Variants in SPAG16 observed in about 807,000 individuals in gnomAD.
SPAG16 encodes sperm associated antigen 16, also known as sperm-associated antigen 16 protein.
A neutral mutation model predicts 80.4 loss-of-function variants in SPAG16; 86 were observed. The ratio of observed to expected loss-of-function variants is 1.07; its 90% CI spans 0.90 to 1.28. The LOEUF (loss-of-function observed/expected upper bound fraction) is 1.28, where lower values mean the gene tolerates loss of function less well. Among genes scored for constraint, SPAG16 ranks in the 50% most tolerant of loss-of-function variants. The pLI, the probability that SPAG16 is intolerant of heterozygous loss-of-function variation, is 0.00. For synonymous variants in SPAG16, 294 were observed against 265.9 expected (o/e 1.11, Z -1.03); for missense variants, 870 against 765.3 (o/e 1.14, Z -1.61).
chr2:213,510,587 G>A (rs1575791567), intron 10 of SPAG16, among the ~76,000 whole-genome samples: 1 of 152,086 alleles, frequency 6.6e-6, no homozygotes, highest in African/African-American at 2.4e-5. Flanking sequence ...CTTTAACTTG[G>A]ATATTTGTTA....
At chr2:213,573,265 C>T (rs1576024721) in intron 10 of SPAG16, among the ~76,000 whole-genome samples, 1 of 151,976 alleles carries the variant, frequency 6.6e-6, no homozygotes, top group South Asian at 2.1e-4. Context: ...TCCTCCCCTT[C>T]TCTAATCAAC....
At chr2:214,325,674 G>T (rs1696422662) in intron 15 of SPAG16, among the ~76,000 whole-genome samples, 1 of 151,148 alleles carries the variant, frequency 6.6e-6, no homozygotes, top group Non-Finnish European at 1.5e-5. Flanking sequence ...ATTTGTTTCT[G>T]ATTAAAGCTT....
chr2:213,433,263 G>GGC (rs1419388926), intron 9 of SPAG16, among the ~76,000 whole-genome samples: 81 of 147,288 alleles, frequency 5.5e-4, no homozygotes, highest in Middle Eastern at 3.4e-3. Flanking sequence ...AGAACAATCA[G>GGC]ACGAGAAAGA....
intron 12 of SPAG16, among the ~76,000 whole-genome samples, chr2:213,951,111 C>T (rs1052408612): frequency 6.6e-6 from 1 of 151,550 alleles, no homozygotes; most frequent in African/African-American, 2.4e-5. Context: ...ATTTAAAATA[C>T]CACCCCAATA....
At chr2:213,507,297 G>A (rs73988524) in intron 10 of SPAG16, among the ~76,000 whole-genome samples, 1,806 of 152,242 alleles carry the variant, frequency 0.012, 38 homozygotes, top group African/African-American at 0.04. Flanking sequence ...TTTTGGCACC[G>A]TTGTTTTAAA....
chr2:214,358,180 G>A (rs1193020302), intron 15 of SPAG16, among the ~76,000 whole-genome samples: 4 of 151,856 alleles, frequency 2.6e-5, no homozygotes, highest in Admixed American at 2.6e-4. Flanking sequence ...GAGGTGTGTA[G>A]TGTCTTATGC....
At chr2:213,632,086 A>T (rs1380241954) in intron 10 of SPAG16, among the ~76,000 whole-genome samples, 1 of 152,114 alleles carries the variant, frequency 6.6e-6, no homozygotes, top group Non-Finnish European at 1.5e-5. Flanking sequence ...TTGACATTTT[A>T]AAAATACTGA....
intron 10 of SPAG16, among the ~76,000 whole-genome samples, chr2:213,505,056 T>C (rs950822721): frequency 6.6e-6 from 1 of 152,228 alleles, no homozygotes; most frequent in Non-Finnish European, 1.5e-5. Flanking sequence ...CTGGCATTCA[T>C]TCAAAATATC....
intron 10 of SPAG16, among the ~76,000 whole-genome samples, chr2:213,680,737 C>T (rs2064336322): frequency 1.3e-5 from 2 of 152,154 alleles, no homozygotes; most frequent in Non-Finnish European, 2.9e-5. Context: ...TGACACAGCC[C>T]TTAGGAGGTC....
intron 11 of SPAG16, among the ~76,000 whole-genome samples, chr2:213,910,671 G>A (rs1173943557): frequency 1.2e-5 from 1 of 82,988 alleles, no homozygotes; most frequent in African/African-American, 3.1e-5. Flanking sequence ...TGTAGTTTTA[G>A]TAGAGACAGG....
chr2:213,852,910 C>G (rs929744275), intron 10 of SPAG16, among the ~76,000 whole-genome samples: 2 of 152,156 alleles, frequency 1.3e-5, no homozygotes, highest in African/African-American at 2.4e-5. Context: ...TATATAAATG[C>G]TAATGCACAT....
intron 11 of SPAG16, among the ~76,000 whole-genome samples, chr2:213,914,050 A>T (rs1485343365): frequency 6.6e-6 from 1 of 152,148 alleles, no homozygotes; most frequent in Non-Finnish European, 1.5e-5. Flanking sequence ...ATGTTTGACC[A>T]AACATTGTGG....
At chr2:213,632,210 C>G (rs2062183611) in intron 10 of SPAG16, among the ~76,000 whole-genome samples, 1 of 151,500 alleles carries the variant, frequency 6.6e-6, no homozygotes, top group Non-Finnish European at 1.5e-5. Context: ...TTTGGTTATC[C>G]TAGGTATTTA....
chr2:213,419,057 G>GATTCTCTACTC (rs762315993), intron 9 of SPAG16, among the ~76,000 whole-genome samples: 32,931 of 152,026 alleles, frequency 0.22, 4,390 homozygotes, highest in Non-Finnish European at 0.31. Flanking sequence ...AGAGAGTGAT[G>GATTCTCTACTC]AGGACTGGGA....
intron 15 of SPAG16, among the ~76,000 whole-genome samples, chr2:214,235,779 C>G (rs115024794): frequency 0.023 from 3,484 of 152,196 alleles, 90 homozygotes; most frequent in African/African-American, 0.06. Context: ...TTTTTTTATA[C>G]AAACAACATT....
chr2:213,943,618 A>T (rs569002189), intron 12 of SPAG16, among the ~76,000 whole-genome samples: 1 of 152,300 alleles, frequency 6.6e-6, no homozygotes, highest in East Asian at 1.9e-4. Context: ...AGCTAAAAAA[A>T]ATTTCTGTGT....
At chr2:214,120,212 G>A (rs147326385) in intron 14 of SPAG16, among the ~76,000 whole-genome samples, 135 of 151,284 alleles carry the variant, frequency 8.9e-4, no homozygotes, top group African/African-American at 3.2e-3. Context: ...TATATTTCCT[G>A]TGCTTTACTA....
rs190908064 is a variant in SPAG16, at chr2:213,474,994, T to C, written c.943-14969T>C. ...GTCATCATTGGGGTCCCATTTAGGG[T>C]CCTCCAATGGTACTGCTGTTTTTCC... On this transcript the variant is annotated intron_variant, in intron 9 of 15. Transcript: ENST00000331683. Among the ~76,000 whole-genome samples the C allele has an allele frequency of 2.4e-3, 360 of 152,280 alleles. 10 individuals are homozygous for C. The highest frequency in any genetic ancestry group is 0.022 in the Admixed American group (329 of 15,286).
At chr2:213,618,619 CATT>C (rs912860415) in intron 10 of SPAG16, among the ~76,000 whole-genome samples, 1 of 152,096 alleles carries the variant, frequency 6.6e-6, no homozygotes, top group African/African-American at 2.4e-5. Flanking sequence ...TCTTTAAACA[CATT>C]ATCATTTATC....
Sources: allele counts gnomAD v4.1 joint callset (sites outside exome capture counted in the v4.1 genomes callset), GRCh38; gene constraint gnomAD v4.1.1; transcripts MANE v1.5; gene names NCBI Gene and HGNC (gene_info 2026-07-23, HGNC 2026-07-21).